Variants in RNF216 observed in about 807,000 individuals in gnomAD.
RNF216 encodes the protein E3 ubiquitin-protein ligase RNF216.
A neutral mutation model predicts 110.8 loss-of-function variants in RNF216; 72 were observed. The ratio of observed to expected loss-of-function variants is 0.65; its 90% CI spans 0.54 to 0.79. The LOEUF (loss-of-function observed/expected upper bound fraction) is 0.79. Among genes scored for constraint, RNF216 ranks in the 30% least tolerant of loss-of-function variants. RNF216 has a pLI of 0.00. For missense variants in RNF216, 1,342 were observed against 1,141.2 expected (o/e 1.18, Z -2.54); for synonymous variants, 495 against 407.5 (o/e 1.21, Z -2.59).
chr7:5,664,464 A>G (rs1442028045), intron 13 of RNF216, among the ~76,000 whole-genome samples: 2 of 152,216 alleles, frequency 1.3e-5, no homozygotes, highest in Non-Finnish European at 2.9e-5. Context: ...CATATGTTTC[A>G]ATTAGGATGT....
At chr7:5,754,382 G>C (rs1795504691) in intron 2 of RNF216, among the ~76,000 whole-genome samples, 1 of 151,876 alleles carries the variant, frequency 6.6e-6, no homozygotes, top group South Asian at 2.1e-4. Context: ...TGCTGGCCTT[G>C]AACTCCTGGC....
At chr7:5,708,355 T>C (rs1309078404) in intron 13 of RNF216, among the ~76,000 whole-genome samples, 1 of 152,230 alleles carries the variant, frequency 6.6e-6, no homozygotes, top group Non-Finnish European at 1.5e-5. Flanking sequence ...ATTTTTGTGT[T>C]ATTTTTCCCT....
At chr7:5,770,122 A>T (rs915395509) in intron 1 of RNF216, among the ~76,000 whole-genome samples, 5 of 150,624 alleles carry the variant, frequency 3.3e-5, no homozygotes, top group Admixed American at 2.0e-4. Flanking sequence ...TGAGGCAAGC[A>T]GATTGCTTGA....
At chr7:5,663,464 G>C (rs1287080496) in intron 13 of RNF216, among the ~76,000 whole-genome samples, 2 of 151,666 alleles carry the variant, frequency 1.3e-5, no homozygotes, top group Non-Finnish European at 2.9e-5. Context: ...TTCGCCTGTA[G>C]TCCCAGCTAC....
chr7:5,778,793 G>C (rs1269737764), intron 1 of RNF216, among the ~76,000 whole-genome samples: 1 of 152,148 alleles, frequency 6.6e-6, no homozygotes. Context: ...ACCCAGGCTG[G>C]AGTGCAGTGG....
chr7:5,668,348 C>T (rs1174972197), intron 13 of RNF216, among the ~76,000 whole-genome samples: 2 of 152,016 alleles, frequency 1.3e-5, no homozygotes, highest in South Asian at 2.1e-4. Flanking sequence ...CTCAGCCTCC[C>T]GAGTAGTTGG....
chr7:5,687,604 T>C (rs1164949578), intron 13 of RNF216, among the ~76,000 whole-genome samples: 1 of 152,120 alleles, frequency 6.6e-6, no homozygotes, highest in African/African-American at 2.4e-5. Context: ...CCTCTCTGCC[T>C]GCCCCTTGTG....
chr7:5,638,327 C>G (rs1189301157), intron 15 of RNF216, among the ~76,000 whole-genome samples: 3 of 152,158 alleles, frequency 2.0e-5, no homozygotes, highest in Non-Finnish European at 4.4e-5. Flanking sequence ...AATGGTGTTT[C>G]TAAATTTGTA....
At position 5,715,175 on chromosome 7, in the gene RNF216, C is replaced by T; in HGVS notation, c.1711G>A (p.Glu571Lys). 2 of 1,613,330 alleles carry T rather than the reference C, an allele frequency of 1.2e-6. No homozygotes were observed. Among genetic ancestry groups the T allele is most frequent in the Non-Finnish European group, 1.7e-6 (2 of 1,179,922 alleles). ...AATTCCCCATAGCAGCAGCGACACT[C>T]AATCAGCTGGCCATCCTGCAGGCAG... ...EQYQKDGQLI[E>K]CRCCYGEFPF... The change falls in exon 11 of 17, where the codon GAG (glutamate) becomes AAG (lysine). Residue 571 changes from glutamate to lysine, a missense_variant. Physicochemically the swap from Glu to Lys is moderately conservative, Grantham distance 56. Coordinates refer to ENST00000389902, the MANE Select transcript of RNF216 (RefSeq NM_207111.4).
chr7:5,637,225 G>A (rs1290245347), intron 15 of RNF216, among the ~76,000 whole-genome samples: 2 of 152,228 alleles, frequency 1.3e-5, no homozygotes, highest in East Asian at 1.9e-4. Flanking sequence ...ACAGGGGCAC[G>A]GCCTGCCTTG....
At chr7:5,759,878 G>A (rs750163066) in intron 2 of RNF216, among the ~76,000 whole-genome samples, 86 of 152,002 alleles carry the variant, frequency 5.7e-4, no homozygotes, top group African/African-American at 2.0e-3. Flanking sequence ...TGATCCACCC[G>A]CCTCGGTCTC....
chr7:5,731,685 T>C (rs1245079052), intron 5 of RNF216, among the ~76,000 whole-genome samples: 1 of 151,252 alleles, frequency 6.6e-6, no homozygotes, highest in East Asian at 1.9e-4. Flanking sequence ...CTTCCCCTTT[T>C]CTCTGTTCTT....
chr7:5,738,691 G>C (rs998365950), intron 5 of RNF216, among the ~76,000 whole-genome samples: 1 of 110,840 alleles, frequency 9.0e-6, no homozygotes, highest in Non-Finnish European at 1.7e-5. Flanking sequence ...CTGGGAGACA[G>C]AGTGAGACTC....
At chr7:5,741,892 C>T (rs1374138359) in intron 3 of RNF216, 77 bp from the exon 4 acceptor site, 11 of 1,459,664 alleles carry the variant, frequency 7.5e-6, no homozygotes, top group Middle Eastern at 1.8e-4. Flanking sequence ...ATTGAGCTTC[C>T]GAGATAGGAC....
chr7:5,776,663 CATA>C (rs924998546), intron 1 of RNF216, among the ~76,000 whole-genome samples: 2 of 148,882 alleles, frequency 1.3e-5, no homozygotes, highest in Non-Finnish European at 3.0e-5. Context: ...CAGGAATAGC[CATA>C]TCAAGCTAAA....
intron 5 of RNF216, among the ~76,000 whole-genome samples, chr7:5,735,367 G>C (rs190244259): frequency 3.4e-4 from 52 of 152,164 alleles, no homozygotes; most frequent in African/African-American, 1.1e-3. Flanking sequence ...AGGAAGAACA[G>C]AATATGATTC....
At chr7:5,765,845 A>T (rs1796176929) in intron 1 of RNF216, among the ~76,000 whole-genome samples, 1 of 150,192 alleles carries the variant, frequency 6.7e-6, no homozygotes. Flanking sequence ...AATCCCAGCT[A>T]CTCAGGAGGC....
At chr7:5,641,804 G>C (rs954681904) in intron 14 of RNF216, among the ~76,000 whole-genome samples, 1 of 152,072 alleles carries the variant, frequency 6.6e-6, no homozygotes, top group Non-Finnish European at 1.5e-5. Flanking sequence ...AGAGGCCAAA[G>C]CAGGAAGATC....
At chr7:5,633,720 T>A (rs1400508456) in intron 15 of RNF216, among the ~76,000 whole-genome samples, 1 of 152,166 alleles carries the variant, frequency 6.6e-6, no homozygotes, top group African/African-American at 2.4e-5. Context: ...GACTCTGGCT[T>A]GCTGCCTGCT....
Sources: allele counts gnomAD v4.1 joint callset (sites outside exome capture counted in the v4.1 genomes callset), GRCh38; gene constraint gnomAD v4.1.1; transcripts MANE v1.5; gene names NCBI Gene and HGNC (gene_info 2026-07-23, HGNC 2026-07-21).